PARD3B: variants seen among roughly 807,000 people sequenced by gnomAD.
The protein encoded by PARD3B is par-3 family cell polarity regulator beta, also known as partitioning defective 3 homolog B.
PARD3B carries 103 observed loss-of-function variants against 130.2 expected under a neutral mutation model. The ratio of observed to expected loss-of-function variants is 0.79; its 90% CI spans 0.67 to 0.93. The LOEUF (loss-of-function observed/expected upper bound fraction) is 0.93. Ranked by LOEUF, PARD3B falls within the 40% of genes least tolerant of loss-of-function variation. PARD3B has a pLI of 0.00. For synonymous variants in PARD3B, 583 were observed against 553.2 expected (o/e 1.05, Z -0.76); for missense variants, 1,609 against 1,499.2 (o/e 1.07, Z -1.21).
intron 1 of PARD3B, among the ~76,000 whole-genome samples, chr2:204,676,377 T>C (rs2036544255): frequency 6.6e-6 from 1 of 152,090 alleles, no homozygotes; most frequent in South Asian, 2.1e-4. Context: ...TTTTGTTGAA[T>C]AGACTTTCTG....
intron 1 of PARD3B, among the ~76,000 whole-genome samples, chr2:204,584,047 G>C (rs753598102): frequency 2.0e-5 from 3 of 152,240 alleles, no homozygotes; most frequent in Admixed American, 1.3e-4. Flanking sequence ...TGTGAAGCCA[G>C]GCAAGGCTGG....
At chr2:205,200,354 T>C (rs1326230999) in intron 15 of PARD3B, among the ~76,000 whole-genome samples, 1 of 152,194 alleles carries the variant, frequency 6.6e-6, no homozygotes, top group African/African-American at 2.4e-5. Flanking sequence ...TTTGTATACT[T>C]CCCTGTCTGT....
intron 10 of PARD3B, among the ~76,000 whole-genome samples, chr2:205,156,328 G>T (rs1380526534): frequency 6.6e-6 from 1 of 150,948 alleles, no homozygotes; most frequent in African/African-American, 2.4e-5. Flanking sequence ...CGAGTTAATG[G>T]GTGCAGCACA....
At chr2:204,888,597 T>A (rs2046340972) in intron 2 of PARD3B, among the ~76,000 whole-genome samples, 1 of 151,788 alleles carries the variant, frequency 6.6e-6, no homozygotes, top group East Asian at 1.9e-4. Context: ...TGGATGTGGT[T>A]GTGTGCTTCT....
At chr2:204,903,606 C>T (rs539174946) in intron 2 of PARD3B, among the ~76,000 whole-genome samples, 25 of 152,172 alleles carry the variant, frequency 1.6e-4, no homozygotes, top group Middle Eastern at 3.4e-3. Flanking sequence ...CACAAATTTT[C>T]TGTTTTTTAA....
At chr2:204,915,039 C>T (rs1267232031) in intron 2 of PARD3B, among the ~76,000 whole-genome samples, 1 of 152,054 alleles carries the variant, frequency 6.6e-6, no homozygotes, top group Non-Finnish European at 1.5e-5. Context: ...CCTGGTGGAT[C>T]GGCGGGGAGG....
chr2:204,642,491 AC>A (rs936875916), intron 1 of PARD3B, among the ~76,000 whole-genome samples: 2 of 152,048 alleles, frequency 1.3e-5, no homozygotes. Flanking sequence ...TACTTAGAAA[AC>A]TTTTAGAATT....
At chr2:205,090,192 T>C (rs892176395) in intron 4 of PARD3B, among the ~76,000 whole-genome samples, 1 of 152,208 alleles carries the variant, frequency 6.6e-6, no homozygotes, top group African/African-American at 2.4e-5. Flanking sequence ...ACTAATTAGA[T>C]ATGGCGGAGT....
At chr2:205,002,683 C>T (rs1694942352) in intron 3 of PARD3B, among the ~76,000 whole-genome samples, 2 of 152,154 alleles carry the variant, frequency 1.3e-5, no homozygotes, top group Non-Finnish European at 2.9e-5. Context: ...CTATTCTTAA[C>T]TTGCAACAAG....
chr2:205,139,782 C>T (rs73982709), intron 10 of PARD3B, among the ~76,000 whole-genome samples: 5,311 of 151,524 alleles, frequency 0.035, 185 homozygotes, highest in African/African-American at 0.09. Flanking sequence ...AATAACATGT[C>T]ACTATTATTT....
chr2:204,960,190 A>T (rs116285371), intron 2 of PARD3B, among the ~76,000 whole-genome samples: 3,736 of 152,228 alleles, frequency 0.025, 60 homozygotes, highest in Non-Finnish European at 0.031. Flanking sequence ...AAGCTACTTT[A>T]AGGGACACTT....
rs1401077473 is a variant in PARD3B at position 205,405,610 on chromosome 2, T to G, written c.2741+4487T>G. On this transcript the variant is annotated intron_variant, in intron 19 of 22. Coordinates refer to ENST00000406610, the MANE Select transcript of PARD3B (RefSeq NM_001302769.2). This position sits in a 1 kb window ranked among gnomAD's most constrained non-coding sequence, Gnocchi z 4.1. ...AATCTAAGCTTGCAAGAATAATTTT[T>G]TTCGTTAAAATTTATTTTTAACCTT... Among the ~76,000 whole-genome samples the G allele has an allele frequency of 6.6e-6, 1 of 152,214 alleles. No homozygotes were observed. The highest frequency in any genetic ancestry group is 2.4e-5 in the African/African-American group (1 of 41,458).
intron 2 of PARD3B, among the ~76,000 whole-genome samples, chr2:204,794,549 C>T (rs771386390): frequency 3.3e-5 from 5 of 152,224 alleles, no homozygotes; most frequent in Admixed American, 3.3e-4. Context: ...CAATGTGGTG[C>T]ACCCCAGGGC....
At chr2:204,997,380 G>A (rs1296926440) in intron 3 of PARD3B, among the ~76,000 whole-genome samples, 2 of 152,198 alleles carry the variant, frequency 1.3e-5, no homozygotes, top group Non-Finnish European at 2.9e-5. Flanking sequence ...GAATGAACAT[G>A]CTATATCTTC....
intron 16 of PARD3B, among the ~76,000 whole-genome samples, chr2:205,249,006 GTTT>G (rs10707308): frequency 5.3e-5 from 5 of 95,080 alleles, no homozygotes; most frequent in South Asian, 3.9e-4. Context: ...TAAAATAAGA[GTTT>G]TTTTTTTTTT....
intron 20 of PARD3B, among the ~76,000 whole-genome samples, chr2:205,450,871 A>G (rs2048076760): frequency 6.6e-6 from 1 of 152,118 alleles, no homozygotes. Flanking sequence ...TTTGTTACAA[A>G]CCATAACTCA....
At chr2:204,556,016 T>G (rs1428021828) in intron 1 of PARD3B, among the ~76,000 whole-genome samples, 1 of 152,168 alleles carries the variant, frequency 6.6e-6, no homozygotes, top group Non-Finnish European at 1.5e-5. Context: ...GAATATTAAC[T>G]TCAATAAAGG....
rs919600138 is a variant in PARD3B at position 205,253,261 on chromosome 2, G to A, written c.2185+7439G>A. ...ACAAGAGTGAGAAGATAGAGACAGG[G>A]TAGATAGACACTTAAGAGTAAAATG... is the stretch of plus-strand genomic sequence containing the variant. On this transcript the variant is annotated intron_variant, in intron 16 of 22. Transcript: ENST00000406610. The surrounding 1 kb of genome is among the most constrained non-coding windows in gnomAD (Gnocchi z 4.4). 2.1e-6 allele frequency: 1 copy of A among 468,010 alleles called. No homozygotes were observed. The highest frequency in any genetic ancestry group is 2.0e-5 in the African/African-American group (1 of 50,344). 29.0% of individuals were successfully genotyped at this position (468,010 alleles called of 1,614,324 possible). A position where few individuals can be genotyped will look rare whatever the true frequency, so the allele number is the denominator to read the frequency against.
At chr2:205,190,090 A>G (rs980157831) in intron 14 of PARD3B, among the ~76,000 whole-genome samples, 2 of 152,218 alleles carry the variant, frequency 1.3e-5, no homozygotes, top group Admixed American at 6.5e-5. Context: ...ACATTTGTAT[A>G]AAAGTTCACT....
Sources: gnomAD v4.1 joint callset for allele counts (sites outside exome capture counted in the v4.1 genomes callset) on GRCh38, gnomAD v4.1.1 for gene constraint, Gnocchi (gnomAD v3.1) non-coding constraint, MANE v1.5 for transcripts, NCBI Gene and HGNC (gene_info 2026-07-23, HGNC 2026-07-21) for gene names.